STAG3: variants seen among roughly 807,000 people sequenced by gnomAD.
STAG3 encodes the protein cohesin subunit SA-3.
A neutral mutation model predicts 160.7 loss-of-function variants in STAG3; 101 were observed. That is an observed-to-expected ratio of 0.63 (90% confidence interval 0.54 to 0.74). The LOEUF (loss-of-function observed/expected upper bound fraction) is 0.74. STAG3 is among the 30% of genes least tolerant of loss of function. STAG3 has a pLI of 0.00. For missense variants in STAG3, 1,188 were observed against 1,517.4 expected (o/e 0.78, Z 3.61); for synonymous variants, 519 against 585.0 (o/e 0.89, Z 1.63).
At chr7:100,215,560 G>A (rs553895584), downstream of STAG3, among the ~76,000 whole-genome samples, 1 of 152,264 alleles carries the variant, frequency 6.6e-6, no homozygotes, top group South Asian at 2.1e-4. Flanking sequence ...AGATGTGGAG[G>A]TCTCTCAAAA....
chr7:100,178,187 T>C (rs899291978), intron 1 of STAG3, 182 bp downstream of exon 1: 22 of 152,362 alleles, frequency 1.4e-4, no homozygotes, highest in African/African-American at 4.8e-4. Context: ...CAGGCCTCCA[T>C]AGACTGAGAG....
At position 100,189,443 on chromosome 7, in the gene STAG3, A is replaced by G; in HGVS notation, c.716-2A>G. 6.2e-7 allele frequency: 1 copy of G among 1,610,024 alleles called. No homozygotes were observed. The highest frequency in any genetic ancestry group is 1.7e-5 in the Admixed American group (1 of 58,614). ...TCTTTATCTCTTTTTCCTTTCTCAA[A>G]GCTATGAAACTGATGACCTCCCTGG... On this transcript the variant is annotated splice_acceptor_variant, in intron 7 of 33. Transcript: ENST00000615138. LOFTEE classifies it high-confidence loss of function.
Position 100,188,475 on chromosome 7 carries a change from C to T in STAG3, c.456C>T (p.Phe152=), listed in dbSNP as rs1800164738. 6.2e-7 allele frequency: 1 copy of T among 1,613,456 alleles called. No homozygotes were observed. Residue 152 remains phenylalanine (F), a synonymous_variant, in exon 6 of 34, where the codon TTC becomes TTT. Coordinates refer to ENST00000615138, the MANE Select transcript of STAG3 (RefSeq NM_001282717.2). ...GCKGIVTPEM[F]KKMSNSEIIQ... ...TAGGCATTGTGACCCCTGAGATGTT[C>T]AAGAAGATGTCCAACTCAGAGATCA...
intron 9 of STAG3, among the ~76,000 whole-genome samples, chr7:100,196,299 G>C (rs903889886): frequency 4.0e-5 from 6 of 150,626 alleles, no homozygotes; most frequent in Admixed American, 6.6e-5. Context: ...TTTTTTGGCA[G>C]GGACGGAGTC....
intron 15 of STAG3, 75 bp from the exon 16 acceptor site, chr7:100,199,466 A>G (rs1720370650): frequency 1.3e-6 from 2 of 1,555,842 alleles, no homozygotes; most frequent in South Asian, 2.3e-5. Context: ...CAACGGTGGC[A>G]TCGGGTGGGG....
chr7:100,213,824 A>C lies in STAG3; in HGVS notation c.3672+18A>C. On this transcript the variant is annotated intron_variant, in intron 33 of 33. Coordinates refer to ENST00000615138, the MANE Select transcript of STAG3 (RefSeq NM_001282717.2). ...ATATTGAGGTGAGTGTCCCCAGAGC[A>C]GGAGTTATGTATCCTTCGGAAATGC... 6.2e-7 allele frequency: 1 copy of C among 1,614,178 alleles called. No homozygotes were observed. Among genetic ancestry groups the C allele is most frequent in the East Asian group, 2.2e-5 (1 of 44,892 alleles).
At chr7:100,180,430 C>T (rs1799565461) in intron 1 of STAG3, 63 bp from the exon 2 acceptor site, 1 of 670,600 alleles carries the variant, frequency 1.5e-6, no homozygotes, top group African/African-American at 1.8e-5. Flanking sequence ...AAGAAAGGGA[C>T]TGGTCAGGGC....
intron 29 of STAG3, among the ~76,000 whole-genome samples, chr7:100,208,066 A>T (rs1281932346): frequency 6.6e-6 from 1 of 152,068 alleles, no homozygotes; most frequent in Non-Finnish European, 1.5e-5. Context: ...CAGTGAGCCG[A>T]GATTGTTCCA....
Position 100,197,845 on chromosome 7 carries a change from C to T in STAG3, c.1133C>T (p.Thr378Ile), listed in dbSNP as rs1012434188. The T allele has an allele frequency of 1.2e-6, 2 of 1,613,986 alleles. No homozygotes were observed. Among genetic ancestry groups the T allele is most frequent in the African/African-American group, 2.7e-5 (2 of 75,000 alleles). ...KGLYGNRDLT[T>I]RLELFTSRFK... ...CTGTACGGTAACCGGGACCTGACCA[C>T]ACGCCTGGAGCTCTTCACCAGCCGC... Residue 378 changes from threonine to isoleucine, a missense_variant, in exon 11 of 34, where the codon ACA becomes ATA. Thr to Ile is a moderately conservative substitution (Grantham distance 89). Transcript: ENST00000615138.
upstream of STAG3, chr7:100,177,775 T>C (rs919229725): frequency 6.6e-6 from 1 of 152,572 alleles, no homozygotes; most frequent in Non-Finnish European, 1.5e-5. Flanking sequence ...GCCTGAGAGC[T>C]TGAGGCCACA....
chr7:100,198,898 A>G lies in STAG3; in HGVS notation c.1408A>G (p.Ser470Gly). ...GATGGGTGGAAGAGAGCAACGCCAG[A>G]GCCCAGGCGCCCAGAGGACTTTCTT... The part of the protein sequence containing the change: ...RMMGGREQRQ[S>G]PGAQRTFFQL... The change falls in exon 14 of 34, where the codon AGC becomes GGC. Residue 470 changes from serine to glycine, a missense_variant. Ser to Gly is a moderately conservative substitution (Grantham distance 56). This residue lies in a region of STAG3 where 240 missense variants were observed against 358.1 expected (regional missense o/e 0.67). Transcript: ENST00000615138. 6.2e-7 allele frequency: 1 copy of G among 1,612,096 alleles called. No individual in the cohort carries two copies. The highest frequency in any genetic ancestry group is 8.5e-7 in the Non-Finnish European group (1 of 1,179,866).
At chr7:100,198,625 G>C in intron 13 of STAG3, 43 bp downstream of exon 13, 1 of 1,570,280 alleles carries the variant, frequency 6.4e-7, no homozygotes, top group South Asian at 1.1e-5. Flanking sequence ...CCACGCTCTC[G>C]GTTTCTCTCC....
rs1802250797 is a variant in STAG3, at chr7:100,211,885, A to G, written c.3600+9A>G. The G allele has an allele frequency of 1.2e-6, 2 of 1,613,458 alleles. No homozygotes were observed. The highest frequency in any genetic ancestry group is 1.7e-6 in the Non-Finnish European group (2 of 1,179,630). ...GGCAGGATACAGACATGGTGAGTAG[A>G]CCACCCTGCCCTTCTCTCTCAAGAA... On this transcript the variant is annotated intron_variant, in intron 32 of 33. Coordinates refer to ENST00000615138, the MANE Select transcript of STAG3 (RefSeq NM_001282717.2).
chr7:100,179,413 T>TG (rs1163077507), intron 1 of STAG3, among the ~76,000 whole-genome samples: 2 of 152,072 alleles, frequency 1.3e-5, no homozygotes, highest in East Asian at 1.9e-4. Context: ...TTTGTAGAGA[T>TG]GGGGTCTTGC....
At chr7:100,189,228 AG>A (rs776444814) in intron 7 of STAG3, among the ~76,000 whole-genome samples, 10 of 152,176 alleles carry the variant, frequency 6.6e-5, no homozygotes, top group Non-Finnish European at 1.3e-4. Context: ...TATTTTTGTC[AG>A]AGCTCACCAC....
At chr7:100,214,745 C>T (rs1380449972), downstream of STAG3, among the ~76,000 whole-genome samples, 1 of 152,190 alleles carries the variant, frequency 6.6e-6, no homozygotes. Context: ...ATTTTATCCT[C>T]ATCCCAAAGA....
At chr7:100,214,392 A>C (rs1464820269), downstream of STAG3, 3 of 274,136 alleles carry the variant, frequency 1.1e-5, no homozygotes, top group East Asian at 2.6e-4. Flanking sequence ...CACGTTCCCA[A>C]GGTGTGGCTT....
At chr7:100,212,107 C>G in intron 32 of STAG3, 1 of 444,716 alleles carries the variant, frequency 2.2e-6, no homozygotes. Flanking sequence ...GAATAGCACT[C>G]TCGCTCCCAA....
chr7:100,198,753 C>A, intron 13 of STAG3, 90 bp from the exon 14 acceptor site: 1 of 1,308,186 alleles, frequency 7.6e-7, no homozygotes, highest in Non-Finnish European at 1.1e-6. Context: ...TTTCCTTTAT[C>A]ATCTCCTTGG....
Sources: gnomAD v4.1 joint callset for allele counts (sites outside exome capture counted in the v4.1 genomes callset) on GRCh38, gnomAD v4.1.1 for gene constraint, gnomAD v4.1.1 regional missense constraint, MANE v1.5 for transcripts, NCBI Gene and HGNC (gene_info 2026-07-23, HGNC 2026-07-21) for gene names.